The following NEMF variants were observed in gnomAD, a reference collection of about 807,000 sequenced individuals.
NEMF encodes ribosome quality control complex subunit NEMF.
Under a neutral mutation model 162.2 loss-of-function variants are expected in NEMF, and 89 were observed. The ratio of observed to expected loss-of-function variants is 0.55; its 90% confidence interval spans 0.46 to 0.65. NEMF has a LOEUF of 0.65. NEMF is among the 30% of genes least tolerant of loss of function. NEMF has a pLI of 0.00. For synonymous variants in NEMF, 421 were observed against 404.5 expected, an observed-to-expected ratio of 1.04 and a Z score of -0.49; for missense variants, 1,133 against 1,261.9, an observed-to-expected ratio of 0.90 and a Z score of 1.55.
intron 3 of NEMF, 146 bp from the exon 4 acceptor site, chr14:49,846,411 C>G (rs1354375293): frequency 1.4e-6 from 1 of 692,912 alleles, no homozygotes; most frequent in East Asian, 2.7e-5. Flanking sequence ...TAATAGATTG[C>G]AGATGATAAT....
intron 19 of NEMF, among the ~76,000 whole-genome samples, chr14:49,805,227 T>C (rs928016094): frequency 6.6e-6 from 1 of 151,558 alleles, no homozygotes; most frequent in African/African-American, 2.4e-5. Flanking sequence ...TCTAAGGGAG[T>C]ATAATGAAAC....
intron 18 of NEMF, among the ~76,000 whole-genome samples, chr14:49,808,254 C>A (rs773479824): frequency 1.3e-5 from 2 of 152,112 alleles, no homozygotes; most frequent in Non-Finnish European, 2.9e-5. Flanking sequence ...CTCACTGCAA[C>A]CTTCGCCTCC....
intron 25 of NEMF, among the ~76,000 whole-genome samples, chr14:49,797,106 CA>C (rs1190272735): frequency 6.6e-6 from 1 of 152,206 alleles, no homozygotes; most frequent in Non-Finnish European, 1.5e-5. Flanking sequence ...CTTTATACTT[CA>C]CCTCTTTGTA....
At chr14:49,790,176 C>T (rs1030534599) in intron 26 of NEMF, among the ~76,000 whole-genome samples, 1 of 152,022 alleles carries the variant, frequency 6.6e-6, no homozygotes, top group Non-Finnish European at 1.5e-5. Flanking sequence ...ACACAAACAC[C>T]GTAAAAGACT....
chr14:49,825,870 T>C lies in NEMF; in HGVS notation c.1574A>G (p.Tyr525Cys). Residue 525 changes from tyrosine to cysteine, a missense_variant, in exon 16 of 33, where the codon TAT becomes TGT. By Grantham distance (194) the Tyr-to-Cys change is radical. Coordinates refer to ENST00000298310, the MANE Select transcript of NEMF (RefSeq NM_004713.6). ...VTSIQKARKV[Y>C]WFEKFLWFIS... The stretch of plus-strand genomic sequence containing the variant: ...TTGAAAGAGACAGAACACTTACCAA[T>C]ATACTTTTCTTGCTTTTTGAATAGA... 2 of 1,572,256 alleles carry C rather than the reference T, an allele frequency of 1.3e-6. No individual in the cohort carries two copies. The highest frequency in any genetic ancestry group is 1.1e-5 in the South Asian group (1 of 88,508).
intron 18 of NEMF, among the ~76,000 whole-genome samples, chr14:49,813,241 A>G (rs61982266): frequency 2.0e-5 from 3 of 152,118 alleles, no homozygotes; most frequent in Non-Finnish European, 2.9e-5. Context: ...GGAGTTTGCT[A>G]GAAACGTTTT....
At position 49,846,128 on chromosome 14, in the gene NEMF, A is replaced by G. The variant is rs1478815337; in HGVS notation, c.357+12T>C. 1 of 1,609,206 alleles carries G rather than the reference A, an allele frequency of 6.2e-7. No individual in the cohort carries two copies. Among genetic ancestry groups the G allele is most frequent in the Admixed American group, 1.7e-5 (1 of 58,392 alleles). On this transcript the variant is annotated intron_variant, in intron 4 of 32. Coordinates refer to ENST00000298310, the MANE Select transcript of NEMF (RefSeq NM_004713.6). The stretch of plus-strand genomic sequence containing the variant: ...AAATTTTCCTTCACCATATCCCACA[A>G]ATTTAACTTACCCTATCATAGAGCT...
intron 16 of NEMF, among the ~76,000 whole-genome samples, chr14:49,822,352 A>C (rs1424858866): frequency 6.9e-6 from 1 of 145,792 alleles, no homozygotes; most frequent in African/African-American, 2.5e-5. Context: ...AAAAAAGAGG[A>C]AAAAAAAAAA....
intron 16 of NEMF, among the ~76,000 whole-genome samples, chr14:49,816,067 G>A (rs1891702184): frequency 6.6e-6 from 1 of 152,172 alleles, no homozygotes; most frequent in Non-Finnish European, 1.5e-5. Context: ...ATTGTGACTG[G>A]CTTCCTGAGT....
chr14:49,799,207 C>CAAA (rs780442972), intron 25 of NEMF, among the ~76,000 whole-genome samples: 9,179 of 59,030 alleles, frequency 0.16, 2,592 homozygotes, highest in African/African-American at 0.17. Flanking sequence ...GACCCTGTTT[C>CAAA]AAAAAAAAAA....
chr14:49,815,850 C>G (rs886756441), intron 16 of NEMF, among the ~76,000 whole-genome samples: 1 of 151,928 alleles, frequency 6.6e-6, no homozygotes, highest in Non-Finnish European at 1.5e-5. Context: ...TGTAGTCTCA[C>G]CTACTCGGGA....
At chr14:49,830,675 C>T (rs193116824) in intron 11 of NEMF, among the ~76,000 whole-genome samples, 230 of 152,348 alleles carry the variant, frequency 1.5e-3, no homozygotes, top group African/African-American at 5.1e-3. Context: ...CGTGCGCCAC[C>T]GCGCCCAGCC....
intron 11 of NEMF, among the ~76,000 whole-genome samples, chr14:49,830,172 GAAT>G (rs531791603): frequency 1.7e-4 from 26 of 152,028 alleles, no homozygotes; most frequent in South Asian, 4.1e-4. Context: ...ATTTAGATAA[GAAT>G]GATGACTATT....
At chr14:49,820,259 T>C (rs1026207711) in intron 16 of NEMF, 2 of 354,218 alleles carry the variant, frequency 5.6e-6, no homozygotes, top group Non-Finnish European at 5.6e-6. Context: ...CCCCATTTCC[T>C]TTTGACAGCA....
Position 49,800,528 on chromosome 14 carries a change from T to C in NEMF, c.2264A>G (p.Glu755Gly). 6.2e-7 allele frequency: 1 copy of C among 1,614,042 alleles called. No individual in the cohort carries two copies. Among genetic ancestry groups the C allele is most frequent in the Non-Finnish European group, 8.5e-7 (1 of 1,179,944 alleles). The stretch of plus-strand genomic sequence containing the variant: ...AGAATCCTGATCTTTTCTAACCTCT[T>C]CATATTCTCCTTCGTCTTCAGAGCT... ...EESSEDEGEYEEVRKDQDSVG... is the reference protein window; with the variant it reads ...EESSEDEGEYGEVRKDQDSVG... Residue 755 changes from glutamate (E) to glycine (G), a missense_variant, in exon 23 of 33, where the codon GAA (glutamate) becomes GGA (glycine). Transcript: ENST00000298310.
chr14:49,816,841 G>A (rs1464773243), intron 16 of NEMF, among the ~76,000 whole-genome samples: 1 of 152,192 alleles, frequency 6.6e-6, no homozygotes, highest in Admixed American at 6.5e-5. Flanking sequence ...AAAAGAATGG[G>A]AGAGAAAAAT....
intron 6 of NEMF, among the ~76,000 whole-genome samples, chr14:49,836,884 G>C (rs1181682283): frequency 1.3e-5 from 2 of 152,138 alleles, no homozygotes. Context: ...ATAGCCTGGA[G>C]GTGATTTTAT....
chr14:49,834,203 A>G lies in NEMF; in HGVS notation c.661+160T>C. 6.6e-6 allele frequency: 4 copies of G among 605,702 alleles called. No individual in the cohort carries two copies. The South Asian group carries it at 7.3e-5, about 11-fold the overall frequency. 37.5% of individuals were successfully genotyped at this position (605,702 alleles called of 1,614,324 possible). On this transcript the variant is annotated intron_variant, in intron 7 of 32. Coordinates refer to ENST00000298310, the MANE Select transcript of NEMF (RefSeq NM_004713.6). Reference sequence around the variant, plus strand: ...ACACCCAGGCTTAAGTGATCCTCCCACCTTAGCCTCCCAAAGTGCTGGGAT... The same window carrying G: ...ACACCCAGGCTTAAGTGATCCTCCCGCCTTAGCCTCCCAAAGTGCTGGGAT...
At chr14:49,825,028 T>C (rs1892268779) in intron 16 of NEMF, among the ~76,000 whole-genome samples, 1 of 152,242 alleles carries the variant, frequency 6.6e-6, no homozygotes, top group Non-Finnish European at 1.5e-5. Flanking sequence ...ACTTGGAAGA[T>C]ATTATTTAGA....
Sources: gnomAD v4.1 joint callset for allele counts (sites outside exome capture counted in the v4.1 genomes callset) on GRCh38, gnomAD v4.1.1 for gene constraint, MANE v1.5 for transcripts, NCBI Gene and HGNC (gene_info 2026-07-23, HGNC 2026-07-21) for gene names.